The following CLCN7 variants were observed in gnomAD, a reference collection of about 807,000 sequenced individuals.
CLCN7 encodes the protein Cl-/H+ antiporter 7, also known as H(+)/Cl(-) exchange transporter 7.
CLCN7 carries 60 observed loss-of-function variants against 102.1 expected under a neutral mutation model. That is an observed-to-expected ratio of 0.59 (90% CI 0.48 to 0.73). The LOEUF (loss-of-function observed/expected upper bound fraction) is 0.73. CLCN7 is among the 30% of genes least tolerant of loss of function. The pLI is 0.00. For missense variants in CLCN7, 962 were observed against 1,125.7 expected (o/e 0.85, Z 2.08); for synonymous variants, 560 against 490.5 (o/e 1.14, Z -1.87).
rs1401052795 is a variant in CLCN7, at chr16:1,475,011, G to A, written c.-37C>T. The stretch of plus-strand genomic sequence containing the variant: ...GAGCGACACCGGCCGGGAAGCGCCG[G>A]CTGCCCCCGTGTTTGTTCTCGTGAC... On this transcript the variant is annotated 5_prime_UTR_variant, in exon 1 of 25. Transcript: ENST00000382745. The A allele has an allele frequency of 1.4e-6, 2 of 1,420,088 alleles. No homozygotes were observed. Among genetic ancestry groups the A allele is most frequent in the East Asian group, 6.2e-5 (2 of 32,496 alleles). 88.0% of individuals were successfully genotyped at this position (1,420,088 alleles called of 1,614,324 possible).
At chr16:1,450,331 G>A in intron 17 of CLCN7, 166 bp downstream of exon 17, 1 of 717,962 alleles carries the variant, frequency 1.4e-6, no homozygotes, top group Non-Finnish European at 2.4e-6. Flanking sequence ...ACCACAGCAG[G>A]ACAACGCCCA....
rs140315822 is a variant in CLCN7 at position 1,460,523 on chromosome 16, G to T, written c.489C>A (p.Ile163=). 3 of 1,611,384 alleles carry T rather than the reference G, an allele frequency of 1.9e-6. No homozygotes were observed. The highest frequency in any genetic ancestry group is 2.5e-6 in the Non-Finnish European group (3 of 1,178,204). ...GLKYRVIKGN[I]DKFTEKGGLS... ...GTCCGCCCTTCTCTGTGAACTTGTC[G>T]ATATCTGGGGCTCATCAAGGAGGGC... is the stretch of plus-strand genomic sequence containing the variant. Residue 163 remains isoleucine, a synonymous_variant, in exon 6 of 25, where the codon ATC becomes ATA. Transcript: ENST00000382745.
chr16:1,454,741 G>C (rs532129057), intron 12 of CLCN7, among the ~76,000 whole-genome samples: 1 of 152,210 alleles, frequency 6.6e-6, no homozygotes, highest in Non-Finnish European at 1.5e-5. Context: ...AACATAGCCC[G>C]TGGTCCCCCA....
chr16:1,474,561 C>A (rs2142410138), intron 1 of CLCN7, among the ~76,000 whole-genome samples: 1 of 152,304 alleles, frequency 6.6e-6, no homozygotes, highest in South Asian at 2.1e-4. Flanking sequence ...CGGCGCCCCT[C>A]AGCGCCCCAC....
chr16:1,466,261 G>T (rs1307316681), intron 1 of CLCN7, among the ~76,000 whole-genome samples: 1 of 152,230 alleles, frequency 6.6e-6, no homozygotes, highest in Non-Finnish European at 1.5e-5. Flanking sequence ...GCCTTCCCTG[G>T]GAGCAGCCCT....
In CLCN7 at chr16:1,453,709, G is replaced by A. The variant is rs530087566; in HGVS notation, c.1214+125C>T. ...CACCGGGGAAACCATCAGGAAGGAC[G>A]CTGCATACACAGCCTTTCTTTCGGC... On this transcript the variant is annotated intron_variant, in intron 14 of 24. Coordinates refer to ENST00000382745, the MANE Select transcript of CLCN7 (RefSeq NM_001287.6). The A allele has an allele frequency of 3.2e-5, 29 of 906,648 alleles. No homozygotes were observed. The African/African-American group carries it at 4.1e-4, about 13-fold the overall frequency. 56.2% of individuals were successfully genotyped at this position (906,648 alleles called of 1,614,324 possible).
At chr16:1,462,673 A>AACAAC (rs1567273361) in intron 2 of CLCN7, among the ~76,000 whole-genome samples, 11 of 145,684 alleles carry the variant, frequency 7.6e-5, no homozygotes, top group Non-Finnish European at 1.1e-4. Flanking sequence ...GCCAAAAAAA[A>AACAAC]AAAAAAAAAA....
chr16:1,452,646 T>G (rs1471544000), intron 15 of CLCN7, 109 bp downstream of exon 15: 4 of 1,225,504 alleles, frequency 3.3e-6, no homozygotes, highest in Non-Finnish European at 4.5e-6. Context: ...CATGCGCTTC[T>G]GGAACTCGGC....
chr16:1,474,911 G>A lies in CLCN7; in HGVS notation c.64C>T (p.Pro22Ser). The A allele has an allele frequency of 6.8e-7, 1 of 1,468,072 alleles. No individual in the cohort carries two copies. Among genetic ancestry groups the A allele is most frequent in the Non-Finnish European group, 9.0e-7 (1 of 1,113,500 alleles). 90.9% of individuals were successfully genotyped at this position (1,468,072 alleles called of 1,614,324 possible). A position where few individuals can be genotyped will look rare whatever the true frequency, so the allele number is the denominator to read the frequency against. ...GRDRDDEEAAPLLRRTARPGG... is the reference protein window; with the variant it reads ...GRDRDDEEAASLLRRTARPGG... The stretch of plus-strand genomic sequence containing the variant: ...GGCCGCGCCGTCCTCCGCAGCAGCG[G>A]CGCCGCCTCCTCGTCGTCCCGGTCC... The change falls in exon 1 of 25, where the codon CCG (proline) becomes TCG (serine). Residue 22 changes from proline to serine, a missense_variant. Physicochemically the swap from Pro to Ser is moderately conservative, Grantham distance 74. This residue lies in a region of CLCN7 where 163 missense variants were observed against 137.7 expected (regional missense o/e 1.18). Coordinates refer to ENST00000382745, the MANE Select transcript of CLCN7 (RefSeq NM_001287.6).
At chr16:1,456,447 C>T (rs923860640) in intron 9 of CLCN7, among the ~76,000 whole-genome samples, 3 of 152,208 alleles carry the variant, frequency 2.0e-5, no homozygotes, top group Non-Finnish European at 2.9e-5. Context: ...CACTTTCCAG[C>T]GCACGCAAGA....
At chr16:1,447,303 C>T (rs1262676303) in intron 23 of CLCN7, 89 bp downstream of exon 23, 31 of 1,364,604 alleles carry the variant, frequency 2.3e-5, no homozygotes, top group Non-Finnish European at 3.1e-5. Context: ...CGCTGTGGCC[C>T]CCCCCGGCTG....
intron 4 of CLCN7, 48 bp from the exon 5 acceptor site, chr16:1,460,996 C>A: frequency 6.2e-7 from 1 of 1,603,882 alleles, no homozygotes. Context: ...CTGGCGCAGT[C>A]ACTCTGGCAG....
rs1162394371 is a variant in CLCN7 at position 1,474,522 on chromosome 16, G to A, written c.141+312C>T. Among the ~76,000 whole-genome samples, 5 of 152,356 alleles carry A rather than the reference G, an allele frequency of 3.3e-5. No homozygotes were observed. In the East Asian group the frequency reaches 9.6e-4, roughly 29 times the overall value. On this transcript the variant is annotated intron_variant, in intron 1 of 24. Transcript: ENST00000382745. ...TTTAGGGCCAGTCTGGGGGACACCG[G>A]AGGGAATGAACGTGCGCCACGGCTG...
At chr16:1,472,854 C>T (rs970835831) in intron 1 of CLCN7, among the ~76,000 whole-genome samples, 5 of 148,764 alleles carry the variant, frequency 3.4e-5, no homozygotes, top group African/African-American at 1.2e-4. Flanking sequence ...CTTCAACCTC[C>T]TGGGCTCATG....
At position 1,459,127 on chromosome 16, in the gene CLCN7, G is replaced by A. The variant is rs988222717; in HGVS notation, c.655C>T (p.Pro219Ser). ...IKCFLNGVKI[P>S]HVVRLKTLVI... ...CTCACCTTGAGCCGCACCACGTGGG[G>A]GATCTTCACCCCGTTGAGGAAGCAC... Residue 219 changes from proline to serine, a missense_variant, in exon 7 of 25, where the codon CCC becomes TCC. This residue lies in a region of CLCN7 where 799 missense variants were observed against 988.0 expected (regional missense o/e 0.81). Transcript: ENST00000382745. 1.9e-6 allele frequency: 3 copies of A among 1,612,360 alleles called. No homozygotes were observed. Among genetic ancestry groups the A allele is most frequent in the African/African-American group, 2.7e-5 (2 of 75,040 alleles).
chr16:1,452,721 G>A (rs773914780), intron 15 of CLCN7, 34 bp downstream of exon 15: 2 of 1,563,918 alleles, frequency 1.3e-6, no homozygotes, highest in Non-Finnish European at 1.7e-6. Flanking sequence ...TGGCTGCCCT[G>A]CCTGCTGGAC....
chr16:1,455,438 C>A (rs1385231673), intron 11 of CLCN7, 188 bp from the exon 12 acceptor site: 1 of 657,340 alleles, frequency 1.5e-6, no homozygotes, highest in African/African-American at 1.8e-5. Context: ...CGGCCCAGCC[C>A]TCTCTGGACT....
chr16:1,469,513 C>T (rs2039048391), intron 1 of CLCN7, among the ~76,000 whole-genome samples: 1 of 150,774 alleles, frequency 6.6e-6, no homozygotes, highest in Non-Finnish European at 1.5e-5. Flanking sequence ...TGGCGAAACC[C>T]CAACTCTCCT....
In CLCN7 at chr16:1,455,803, G is replaced by A; in HGVS notation, c.917-8C>T. On this transcript the variant is annotated splice_region_variant and splice_polypyrimidine_tract_variant and intron_variant, in intron 10 of 24. Coordinates refer to ENST00000382745, the MANE Select transcript of CLCN7 (RefSeq NM_001287.6). ...AGCTGAACAGGACCCCACCTGGAAG[G>A]CAGGCGGCCGGCTCGGGTGCCAGCT... 1.9e-6 allele frequency: 3 copies of A among 1,613,080 alleles called. No individual in the cohort carries two copies. Among genetic ancestry groups the A allele is most frequent in the East Asian group, 2.2e-5 (1 of 44,884 alleles).
Sources: allele counts gnomAD v4.1 joint callset (sites outside exome capture counted in the v4.1 genomes callset), GRCh38; gene constraint gnomAD v4.1.1; regional missense constraint gnomAD v4.1.1; transcripts MANE v1.5; gene names NCBI Gene and HGNC (gene_info 2026-07-23, HGNC 2026-07-21).